Variants in IFTAP observed in about 807,000 individuals in gnomAD.
The protein encoded by IFTAP is intraflagellar transport associated protein, also known as intraflagellar transport-associated protein.
In IFTAP, 19 loss-of-function variants were observed where a neutral mutation model predicts 19.4. The observed-to-expected ratio is 0.98, with a 90% CI of 0.68 to 1.44. IFTAP has a LOEUF of 1.44. Ranked by LOEUF, IFTAP falls within the 40% of genes most tolerant of loss-of-function variation. The pLI, the probability that IFTAP is intolerant of heterozygous loss-of-function variation, is 0.00. For synonymous variants in IFTAP, 85 were observed against 83.5 expected (o/e 1.02, Z -0.10); for missense variants, 240 against 253.6 (o/e 0.95, Z 0.36).
At chr11:36,612,634 T>A (rs1851917074) in intron 2 of IFTAP, among the ~76,000 whole-genome samples, 1 of 152,116 alleles carries the variant, frequency 6.6e-6, no homozygotes, top group East Asian at 1.9e-4. Context: ...GCCTTTTCTC[T>A]GTTAAAGTAG....
chr11:36,648,883 C>T (rs1853598347), intron 5 of IFTAP, among the ~76,000 whole-genome samples: 3 of 152,114 alleles, frequency 2.0e-5, no homozygotes, highest in Admixed American at 2.0e-4. Context: ...GAAATGTCAC[C>T]TAGAGATGAA....
intron 2 of IFTAP, among the ~76,000 whole-genome samples, chr11:36,621,811 G>GTCACACC (rs1356818238): frequency 2.0e-5 from 3 of 151,952 alleles, no homozygotes; most frequent in African/African-American, 7.2e-5. Flanking sequence ...GCTTATAAAG[G>GTCACACC]ATGGTGTGAT....
Position 36,659,165 on chromosome 11 carries a change from C to A in IFTAP, c.645C>A (p.Asp215Glu). Residue 215 changes from aspartate to glutamate, a missense_variant, in exon 6 of 6, where the codon GAC (aspartate) becomes GAA (glutamate). Physicochemically the swap from Asp to Glu is conservative, Grantham distance 45. Coordinates refer to ENST00000334307, the MANE Select transcript of IFTAP (RefSeq NM_138787.4). Reference sequence around the variant, plus strand: ...AGAAGAGAAAGGACACCAGCCCAGACTTAGAGAAATCCTGTGACTGATTCA... The same window carrying A: ...AGAAGAGAAAGGACACCAGCCCAGAATTAGAGAAATCCTGTGACTGATTCA... ...KQQKRKDTSP[D>E]LEKSCD is the part of the protein sequence containing the mutation. The A allele has an allele frequency of 6.3e-7, 1 of 1,587,536 alleles. No homozygotes were observed. Among genetic ancestry groups the A allele is most frequent in the Non-Finnish European group, 8.5e-7 (1 of 1,170,176 alleles).
intron 1 of IFTAP, among the ~76,000 whole-genome samples, chr11:36,607,320 G>A (rs998101459): frequency 1.3e-5 from 2 of 152,176 alleles, no homozygotes; most frequent in Non-Finnish European, 2.9e-5. Flanking sequence ...TGTGAGGCAT[G>A]TGTAGTTTCA....
intron 1 of IFTAP, among the ~76,000 whole-genome samples, chr11:36,597,131 T>A (rs779246472): frequency 3.9e-5 from 6 of 152,262 alleles, no homozygotes; most frequent in Non-Finnish European, 7.3e-5. Flanking sequence ...AACCAGATGA[T>A]GTATGCATTT....
At chr11:36,617,156 A>G (rs1199962368) in intron 2 of IFTAP, among the ~76,000 whole-genome samples, 1 of 149,800 alleles carries the variant, frequency 6.7e-6, no homozygotes, top group Non-Finnish European at 1.5e-5. Flanking sequence ...AATAAAATAT[A>G]TCATTAAAAA....
At chr11:36,634,387 T>A (rs1209809308) in intron 3 of IFTAP, among the ~76,000 whole-genome samples, 1 of 152,120 alleles carries the variant, frequency 6.6e-6, no homozygotes, top group African/African-American at 2.4e-5. Context: ...AGTAGTCTAT[T>A]ATAGGTTACA....
chr11:36,651,244 C>T (rs1031344034), intron 5 of IFTAP, among the ~76,000 whole-genome samples: 1 of 152,128 alleles, frequency 6.6e-6, no homozygotes, highest in African/African-American at 2.4e-5. Context: ...TAATGATCAC[C>T]ATTCTAACTG....
intron 5 of IFTAP, among the ~76,000 whole-genome samples, chr11:36,650,356 GT>G (rs902646039): frequency 6.6e-6 from 1 of 151,604 alleles, no homozygotes; most frequent in Admixed American, 6.6e-5. Flanking sequence ...CCAACTCAAT[GT>G]TTTACCTAAT....
At chr11:36,615,892 A>G (rs969547595) in intron 2 of IFTAP, among the ~76,000 whole-genome samples, 2 of 151,964 alleles carry the variant, frequency 1.3e-5, no homozygotes, top group Non-Finnish European at 2.9e-5. Context: ...TTTTTTCCTA[A>G]TAGAGTTACT....
intron 5 of IFTAP, among the ~76,000 whole-genome samples, chr11:36,656,998 G>C (rs983932279): frequency 2.6e-5 from 4 of 152,052 alleles, no homozygotes; most frequent in Non-Finnish European, 5.9e-5. Context: ...GGTTTTAGAG[G>C]CTTGAAGGTA....
chr11:36,650,697 C>G, intron 5 of IFTAP, among the ~76,000 whole-genome samples: 1 of 151,766 alleles, frequency 6.6e-6, no homozygotes, highest in South Asian at 2.1e-4. Flanking sequence ...TAATACTATC[C>G]CTCCCCCCTT....
At chr11:36,624,505 A>G (rs1177652958) in intron 2 of IFTAP, among the ~76,000 whole-genome samples, 2 of 152,190 alleles carry the variant, frequency 1.3e-5, no homozygotes, top group East Asian at 3.9e-4. Flanking sequence ...CATGGAGGCC[A>G]TGTGCTTACG....
chr11:36,640,546 A>G (rs183910547), intron 4 of IFTAP, among the ~76,000 whole-genome samples: 206 of 152,314 alleles, frequency 1.4e-3, no homozygotes, highest in African/African-American at 4.9e-3. Context: ...TCTTTCATGA[A>G]TCACCATTTT....
At chr11:36,632,466 TC>T (rs1347289483) in intron 2 of IFTAP, among the ~76,000 whole-genome samples, 3 of 151,160 alleles carry the variant, frequency 2.0e-5, no homozygotes, top group Non-Finnish European at 4.4e-5. Context: ...TCATTCATTA[TC>T]TTTTATCAAA....
chr11:36,646,696 C>G (rs1853499302), intron 4 of IFTAP, among the ~76,000 whole-genome samples: 1 of 152,114 alleles, frequency 6.6e-6, no homozygotes, highest in Non-Finnish European at 1.5e-5. Flanking sequence ...ATAGACTGTC[C>G]AGCTCTGCCG....
At chr11:36,626,225 G>A (rs1852506346) in intron 2 of IFTAP, among the ~76,000 whole-genome samples, 1 of 151,204 alleles carries the variant, frequency 6.6e-6, no homozygotes, top group African/African-American at 2.5e-5. Flanking sequence ...AATGTTCAAG[G>A]GAATAGATCA....
chr11:36,619,240 A>C (rs1852210170), intron 2 of IFTAP, among the ~76,000 whole-genome samples: 1 of 151,998 alleles, frequency 6.6e-6, no homozygotes, highest in African/African-American at 2.4e-5. Flanking sequence ...GAATATCACT[A>C]CTCATACTTG....
chr11:36,607,044 T>C (rs1291597217), intron 1 of IFTAP, among the ~76,000 whole-genome samples: 1 of 152,236 alleles, frequency 6.6e-6, no homozygotes, highest in African/African-American at 2.4e-5. Context: ...AAACAGTTTC[T>C]TTTGTTTTAA....
Sources: allele counts gnomAD v4.1 joint callset (sites outside exome capture counted in the v4.1 genomes callset), GRCh38; gene constraint gnomAD v4.1.1; transcripts MANE v1.5; gene names NCBI Gene and HGNC (gene_info 2026-07-23, HGNC 2026-07-21).